The following POC1B variants were observed in gnomAD, a reference collection of about 807,000 sequenced individuals.
POC1B encodes the protein POC1 centriolar protein homolog B.
POC1B carries 44 observed loss-of-function variants against 60.6 expected under a neutral mutation model. That is an observed-to-expected ratio of 0.73 (90% CI 0.57 to 0.93). The LOEUF (loss-of-function observed/expected upper bound fraction) is 0.93, where lower values mean the gene tolerates loss of function less well. Among genes scored for constraint, POC1B ranks in the 40% least tolerant of loss-of-function variants. The pLI, the probability that POC1B is intolerant of heterozygous loss-of-function variation, is 0.00. For synonymous variants in POC1B, 180 were observed against 198.9 expected, an observed-to-expected ratio of 0.90 and a Z score of 0.80; for missense variants, 555 against 572.3, an observed-to-expected ratio of 0.97 and a Z score of 0.31.
At chr12:89,447,905 G>A (rs762789481) in intron 10 of POC1B, among the ~76,000 whole-genome samples, 5 of 152,004 alleles carry the variant, frequency 3.3e-5, no homozygotes, top group Non-Finnish European at 7.4e-5. Flanking sequence ...GTCCAAGAGA[G>A]GCAAACTGAG....
At chr12:89,525,479 G>A in intron 1 of POC1B, 1 of 1,333,256 alleles carries the variant, frequency 7.5e-7, no homozygotes, top group Non-Finnish European at 9.5e-7. Context: ...CGGCCCCTTT[G>A]AAATGCACGT....
intron 10 of POC1B, among the ~76,000 whole-genome samples, chr12:89,434,953 TC>T (rs1014625260): frequency 2.3e-4 from 35 of 152,184 alleles, no homozygotes; most frequent in African/African-American, 7.7e-4. Context: ...TAATATTTTT[TC>T]TAAAAAAACT....
At chr12:89,405,133 C>T in the POC1B span, among the ~76,000 whole-genome samples, 162 of 152,050 alleles carry the variant, frequency 1.1e-3, 1 homozygote, top group African/African-American at 3.0e-3. Context: ...CCCCATGGAA[C>T]GCAAGGATTG....
At chr12:89,435,533 A>C (rs923913880) in intron 10 of POC1B, among the ~76,000 whole-genome samples, 3 of 152,182 alleles carry the variant, frequency 2.0e-5, no homozygotes, top group Non-Finnish European at 4.4e-5. Flanking sequence ...CTTCATCATA[A>C]ATAACAAAAA....
chr12:89,403,406 C>T, the POC1B span, among the ~76,000 whole-genome samples: 2 of 152,132 alleles, frequency 1.3e-5, no homozygotes, highest in African/African-American at 4.8e-5. Flanking sequence ...TTGGTACTCT[C>T]TGAAATCAAC....
intron 7 of POC1B, among the ~76,000 whole-genome samples, 196 bp from the exon 8 acceptor site, chr12:89,467,881 C>A (rs963264437): frequency 6.6e-6 from 1 of 151,992 alleles, no homozygotes; most frequent in Non-Finnish European, 1.5e-5. Context: ...CATATTAAAA[C>A]ACAAATAAAT....
At chr12:89,435,169 G>T (rs1216626676) in intron 10 of POC1B, among the ~76,000 whole-genome samples, 1 of 143,498 alleles carries the variant, frequency 7.0e-6, no homozygotes, top group African/African-American at 2.6e-5. Flanking sequence ...TCTCCAGGAA[G>T]AATGACATTC....
At chr12:89,409,443 TG>T in the POC1B span, among the ~76,000 whole-genome samples, 1 of 152,180 alleles carries the variant, frequency 6.6e-6, no homozygotes, top group East Asian at 1.9e-4. Context: ...AGATGCGTGG[TG>T]TTATTTCTGA....
chr12:89,477,423 C>T (rs1883166635), intron 4 of POC1B, among the ~76,000 whole-genome samples: 1 of 152,134 alleles, frequency 6.6e-6, no homozygotes, highest in South Asian at 2.1e-4. Context: ...GGAATCTCCA[C>T]CCATGAGTAC....
At position 89,425,392 on chromosome 12, in the gene POC1B, A is replaced by G; in HGVS notation, c.1114-13T>C. Reference sequence around the variant, plus strand: ...TGGTTTCTGTTGTCTTTAATGTCACAGAAAATGTAGGAAGAGTTATATTTT... The same window carrying G: ...TGGTTTCTGTTGTCTTTAATGTCACGGAAAATGTAGGAAGAGTTATATTTT... On this transcript the variant is annotated splice_polypyrimidine_tract_variant and intron_variant, in intron 10 of 11. Transcript: ENST00000313546. 1 of 1,596,278 alleles carries G rather than the reference A, an allele frequency of 6.3e-7. No homozygotes were observed. Among genetic ancestry groups the G allele is most frequent in the Non-Finnish European group, 8.5e-7 (1 of 1,170,096 alleles).
At chr12:89,407,392 C>T in the POC1B span, among the ~76,000 whole-genome samples, 1 of 151,558 alleles carries the variant, frequency 6.6e-6, no homozygotes, top group Admixed American at 6.6e-5. Context: ...GACACCATGC[C>T]CAGCTAATTT....
At chr12:89,416,397 T>C (rs1880365363), downstream of POC1B, among the ~76,000 whole-genome samples, 1 of 152,154 alleles carries the variant, frequency 6.6e-6, no homozygotes, top group Admixed American at 6.6e-5. Flanking sequence ...CTTCATCCCA[T>C]AATGGTGAAA....
intron 7 of POC1B, among the ~76,000 whole-genome samples, chr12:89,468,204 C>A (rs895440329): frequency 3.3e-5 from 5 of 152,178 alleles, no homozygotes; most frequent in African/African-American, 1.2e-4. Flanking sequence ...AAATCAGTAT[C>A]ACAATTCTGA....
chr12:89,421,198 A>C lies in POC1B; in HGVS notation c.1392T>G (p.Leu464=), dbSNP rs754455863. ...CACTGAAAAGCTTTTGCTGATTTTC[A>C]AGGCAGTCTTTCAGCTTATCCTCTG... ...TLTEDKLKDC[L]ENQQKLFSAV... is the part of the protein sequence containing the mutation. The change falls in exon 12 of 12, where the codon CTT becomes CTG. Residue 464 remains leucine (L), a synonymous_variant. Transcript: ENST00000313546. 6.2e-7 allele frequency: 1 copy of C among 1,603,196 alleles called. No homozygotes were observed. Among genetic ancestry groups the C allele is most frequent in the South Asian group, 1.1e-5 (1 of 90,284 alleles).
chr12:89,407,386 C>T, the POC1B span, among the ~76,000 whole-genome samples: 1 of 151,678 alleles, frequency 6.6e-6, no homozygotes, highest in Non-Finnish European at 1.5e-5. Context: ...GTGCCTGACA[C>T]CATGCCCAGC....
At chr12:89,486,935 A>G (rs966528771) in intron 4 of POC1B, among the ~76,000 whole-genome samples, 2 of 151,992 alleles carry the variant, frequency 1.3e-5, no homozygotes, top group Non-Finnish European at 2.9e-5. Flanking sequence ...ACACACACAG[A>G]CACACATACA....
At chr12:89,455,728 T>A (rs1323037234) in intron 10 of POC1B, among the ~76,000 whole-genome samples, 1 of 152,190 alleles carries the variant, frequency 6.6e-6, no homozygotes, top group Admixed American at 6.5e-5. Flanking sequence ...ATAATATCCC[T>A]ACTTCTAAAG....
At chr12:89,434,413 T>A (rs1462149265) in intron 10 of POC1B, among the ~76,000 whole-genome samples, 6 of 152,228 alleles carry the variant, frequency 3.9e-5, no homozygotes, top group African/African-American at 1.4e-4. Context: ...TTTATTATAA[T>A]CTCTAGAGAA....
chr12:89,502,424 T>A, intron 2 of POC1B: 1 of 1,374,458 alleles, frequency 7.3e-7, no homozygotes, highest in Non-Finnish European at 1.0e-6. Flanking sequence ...AGTGGAATAC[T>A]ATCTCCAGGC....
Sources: gnomAD v4.1 joint callset for allele counts (sites outside exome capture counted in the v4.1 genomes callset) on GRCh38, gnomAD v4.1.1 for gene constraint, MANE v1.5 for transcripts, NCBI Gene and HGNC (gene_info 2026-07-23, HGNC 2026-07-21) for gene names.